The following GSN variants were observed in gnomAD, a reference collection of about 807,000 sequenced individuals.
The protein encoded by GSN is actin-depolymerizing factor.
Under a neutral mutation model 85.7 loss-of-function variants are expected in GSN, and 56 were observed. That is an observed-to-expected ratio of 0.65 (90% CI 0.53 to 0.82). The LOEUF (loss-of-function observed/expected upper bound fraction) is 0.82. GSN is among the 40% of genes least tolerant of loss of function. The pLI is 0.00. For synonymous variants in GSN, 373 were observed against 399.1 expected (o/e 0.93, Z 0.78); for missense variants, 857 against 979.8 (o/e 0.87, Z 1.67).
intron 4 of GSN, among the ~76,000 whole-genome samples, chr9:121,217,697 A>G (rs2054091391): frequency 6.6e-6 from 1 of 151,682 alleles, no homozygotes; most frequent in African/African-American, 2.4e-5. Context: ...CTTCAATTCA[A>G]TTGGGATGTG....
intron 4 of GSN, among the ~76,000 whole-genome samples, chr9:121,303,450 G>C (rs1487366469): frequency 1.3e-5 from 2 of 152,212 alleles, no homozygotes; most frequent in Non-Finnish European, 2.9e-5. Context: ...TGCCAACAGA[G>C]GGCCCCGTGT....
chr9:121,236,223 G>A (rs570261591), intron 5 of GSN, among the ~76,000 whole-genome samples: 3 of 151,992 alleles, frequency 2.0e-5, no homozygotes, highest in African/African-American at 7.2e-5. Context: ...TTGTTTGTTT[G>A]TTTGTTTTTT....
chr9:121,328,875 T>G lies in GSN; in HGVS notation c.1763-16T>G. 1 of 1,609,650 alleles carries G rather than the reference T, an allele frequency of 6.2e-7. No homozygotes were observed. The highest frequency in any genetic ancestry group is 8.5e-7 in the Non-Finnish European group (1 of 1,179,882). ...TGATGGCGTCCCTTGGCAACTGGCGTGGCCTCCCCTCACAGATGGCTTCTG... is the reference window on the plus strand; with the variant it reads ...TGATGGCGTCCCTTGGCAACTGGCGGGGCCTCCCCTCACAGATGGCTTCTG... On this transcript the variant is annotated splice_polypyrimidine_tract_variant and intron_variant, in intron 14 of 17. Transcript: ENST00000432226.
At position 121,324,546 on chromosome 9, in the gene GSN, C is replaced by A; in HGVS notation, c.1326-8C>A. 2 of 1,463,214 alleles carry A rather than the reference C, an allele frequency of 1.4e-6. No individual in the cohort carries two copies. The highest frequency in any genetic ancestry group is 1.9e-6 in the Non-Finnish European group (2 of 1,068,044). 90.6% of individuals were successfully genotyped at this position (1,463,214 alleles called of 1,614,324 possible). A position where few individuals can be genotyped will look rare whatever the true frequency, so the allele number is the denominator to read the frequency against. ...CACCCTGATGCTGAATCTCACTTCCCCTTCCAGGCAGGGTGCCCAGTCTAC... is the reference window on the plus strand; with the variant it reads ...CACCCTGATGCTGAATCTCACTTCCACTTCCAGGCAGGGTGCCCAGTCTAC... On this transcript the variant is annotated splice_polypyrimidine_tract_variant and splice_region_variant and intron_variant, in intron 11 of 17. Transcript: ENST00000432226.
chr9:121,247,272 GAA>G (rs2054718301), intron 5 of GSN, among the ~76,000 whole-genome samples: 2 of 152,174 alleles, frequency 1.3e-5, no homozygotes, highest in African/African-American at 2.4e-5. Context: ...CTCAGGGAAA[GAA>G]AGGCTATATC....
At position 121,331,468 on chromosome 9, in the gene GSN, G is replaced by T; in HGVS notation, c.2026+20G>T. ...CTTCTGGTGAGGACCCGAGTGCCTG[G>T]GGGCGGGGGGAGGGGTCCGTTGCTT... On this transcript the variant is annotated intron_variant, in intron 17 of 17. Transcript: ENST00000432226. 1 of 1,480,280 alleles carries T rather than the reference G, an allele frequency of 6.8e-7. No homozygotes were observed. The highest frequency in any genetic ancestry group is 1.2e-5 in the South Asian group (1 of 85,844). 91.7% of individuals were successfully genotyped at this position (1,480,280 alleles called of 1,614,324 possible).
intron 2 of GSN, chr9:121,300,187 C>A (rs940405959): frequency 1.7e-6 from 2 of 1,190,534 alleles, no homozygotes; most frequent in Non-Finnish European, 2.5e-6. Flanking sequence ...AGCCTCGGGG[C>A]CCTGGCTGTT....
chr9:121,226,637 C>T (rs1016381404), intron 4 of GSN, among the ~76,000 whole-genome samples: 5 of 152,226 alleles, frequency 3.3e-5, no homozygotes, highest in Non-Finnish European at 5.9e-5. Flanking sequence ...TTACAATTTC[C>T]TGAGACATAG....
chr9:121,312,563 T>A (rs1366197900), intron 6 of GSN, 75 bp downstream of exon 6: 3 of 1,205,670 alleles, frequency 2.5e-6, no homozygotes. Flanking sequence ...GTAGGCAATT[T>A]GAGGTGAATT....
intron 2 of GSN, among the ~76,000 whole-genome samples, chr9:121,295,722 G>A (rs1232168670): frequency 6.6e-6 from 1 of 152,180 alleles, no homozygotes; most frequent in Non-Finnish European, 1.5e-5. Flanking sequence ...AGGGGGACAT[G>A]GGCTGTACAG....
chr9:121,267,812 G>T (rs2055291990), upstream of GSN, among the ~76,000 whole-genome samples: 1 of 151,868 alleles, frequency 6.6e-6, no homozygotes, highest in African/African-American at 2.4e-5. Context: ...GGTGCTAGTT[G>T]AGCATTGCTC....
intron 14 of GSN, among the ~76,000 whole-genome samples, 187 bp downstream of exon 14, chr9:121,327,669 G>A (rs2063388197): frequency 6.6e-6 from 1 of 152,058 alleles, no homozygotes; most frequent in East Asian, 1.9e-4. Flanking sequence ...GAGGTCTCCA[G>A]GAGCTAAAGA....
intron 2 of GSN, among the ~76,000 whole-genome samples, chr9:121,293,422 T>A (rs78012181): frequency 7.4e-6 from 1 of 135,612 alleles, no homozygotes; most frequent in Non-Finnish European, 1.6e-5. Flanking sequence ...TTTTTTTTTT[T>A]AAACTGTGGA....
intron 2 of GSN, among the ~76,000 whole-genome samples, chr9:121,292,713 T>G (rs1385518345): frequency 6.6e-6 from 1 of 152,180 alleles, no homozygotes; most frequent in African/African-American, 2.4e-5. Context: ...TGCCTCATAT[T>G]CCTTAGGTTG....
intron 2 of GSN, among the ~76,000 whole-genome samples, chr9:121,294,210 T>C (rs987883573): frequency 2.0e-5 from 3 of 152,216 alleles, no homozygotes; most frequent in African/African-American, 7.2e-5. Context: ...CAAAGTCTTC[T>C]GCTGGTTCCA....
chr9:121,208,754 A>G (rs551472541), intron 1 of GSN, among the ~76,000 whole-genome samples: 1 of 152,332 alleles, frequency 6.6e-6, no homozygotes, highest in South Asian at 2.1e-4. Context: ...TGTTCTGGGG[A>G]GGATTATTAC....
At chr9:121,276,544 C>T (rs1284001697) in intron 1 of GSN, among the ~76,000 whole-genome samples, 2 of 152,218 alleles carry the variant, frequency 1.3e-5, no homozygotes, top group African/African-American at 2.4e-5. Context: ...CGCACCCCCC[C>T]GACTGCCTCC....
chr9:121,248,561 G>A (rs1400455023), intron 6 of GSN, among the ~76,000 whole-genome samples: 1 of 152,140 alleles, frequency 6.6e-6, no homozygotes, highest in Non-Finnish European at 1.5e-5. Context: ...GAAAATACAT[G>A]AGATCTGGTT....
chr9:121,255,017 C>T (rs895810117), intron 6 of GSN, among the ~76,000 whole-genome samples: 1 of 152,118 alleles, frequency 6.6e-6, no homozygotes, highest in Non-Finnish European at 1.5e-5. Context: ...GGCGTGATCT[C>T]GGCTCACTGC....
Sources: gnomAD v4.1 joint callset for allele counts (sites outside exome capture counted in the v4.1 genomes callset) on GRCh38, gnomAD v4.1.1 for gene constraint, MANE v1.5 for transcripts, NCBI Gene and HGNC (gene_info 2026-07-23, HGNC 2026-07-21) for gene names.